GLB1L2: variants seen among roughly 807,000 people sequenced by gnomAD.
The protein encoded by GLB1L2 is galactosidase beta 1 like 2.
In GLB1L2, 68 loss-of-function variants were observed where a neutral mutation model predicts 84.1. The ratio of observed to expected loss-of-function variants is 0.81; its 90% CI spans 0.67 to 0.99. GLB1L2 has a LOEUF of 0.99. GLB1L2 is among the 50% of genes least tolerant of loss of function. GLB1L2 has a pLI of 0.00. For synonymous variants in GLB1L2, 290 were observed against 318.0 expected (o/e 0.91, Z 0.94); for missense variants, 762 against 805.6 (o/e 0.95, Z 0.66).
intron 1 of GLB1L2, among the ~76,000 whole-genome samples, chr11:134,335,229 C>CTTTT (rs11403985): frequency 9.8e-4 from 146 of 148,866 alleles, no homozygotes; most frequent in African/African-American, 1.4e-3. Context: ...ATGCAGGTCA[C>CTTTT]TTTTTTTTTT....
chr11:134,344,836 G>A (rs576644198), intron 3 of GLB1L2, among the ~76,000 whole-genome samples, 198 bp from the exon 4 acceptor site: 12 of 152,356 alleles, frequency 7.9e-5, no homozygotes, highest in South Asian at 2.1e-4. Context: ...TCAGGCCCCC[G>A]ATGGGGCTGT....
In GLB1L2 at chr11:134,368,634, C is replaced by A. The variant is rs1943897049; in HGVS notation, c.890-10C>A. The A allele has an allele frequency of 1.2e-6, 2 of 1,613,540 alleles. No homozygotes were observed. The highest frequency in any genetic ancestry group is 2.2e-5 in the South Asian group (2 of 91,086). On this transcript the variant is annotated splice_polypyrimidine_tract_variant and intron_variant, in intron 9 of 18. Coordinates refer to ENST00000535456, the MANE Select transcript of GLB1L2 (RefSeq NM_001370461.1). The stretch of plus-strand genomic sequence containing the variant: ...CACTCTGCACATCCCCTTTCTCCCT[C>A]CTCCGGCAGAGGTTTTGAAAACCGT...
At chr11:134,344,297 A>G in intron 2 of GLB1L2, 90 bp from the exon 3 acceptor site, 1 of 1,427,432 alleles carries the variant, frequency 7.0e-7, no homozygotes, top group Non-Finnish European at 9.9e-7. Context: ...TTTAGCCATC[A>G]TATTGGATTT....
chr11:134,354,052 G>A (rs755939791), intron 5 of GLB1L2, among the ~76,000 whole-genome samples: 5 of 152,262 alleles, frequency 3.3e-5, no homozygotes, highest in Middle Eastern at 3.4e-3. Flanking sequence ...ATTACTGATA[G>A]AGAATCACTT....
At chr11:134,347,180 C>T (rs1019058467) in intron 4 of GLB1L2, 145 bp from the exon 5 acceptor site, 3 of 695,518 alleles carry the variant, frequency 4.3e-6, no homozygotes, top group Admixed American at 1.9e-5. Flanking sequence ...CATTGTCTCC[C>T]CACTTCTGGG....
Position 134,370,190 on chromosome 11 carries a change from G to A in GLB1L2, c.1109-103G>A. The A allele has an allele frequency of 1.0e-6, 1 of 957,210 alleles. No individual in the cohort carries two copies. The highest frequency in any genetic ancestry group is 2.4e-5 in the East Asian group (1 of 41,682). The allele number at this position is 957,210 out of a possible 1,614,324, so 59.3% of individuals were successfully genotyped here. A position where few individuals can be genotyped will look rare whatever the true frequency, so the allele number is the denominator to read the frequency against. On this transcript the variant is annotated intron_variant, in intron 11 of 18. Coordinates refer to ENST00000535456, the MANE Select transcript of GLB1L2 (RefSeq NM_001370461.1). This position sits in a 1 kb window ranked among gnomAD's most constrained non-coding sequence, Gnocchi z 4.7. ...AGCCTGTTGTTCCTCTTGGTGCTGG[G>A]ACGCAGGAGCACATCGGGTCTGTGG... is the stretch of plus-strand genomic sequence containing the variant.
At chr11:134,342,624 G>C (rs903373701) in intron 1 of GLB1L2, 130 bp from the exon 2 acceptor site, 2 of 895,138 alleles carry the variant, frequency 2.2e-6, no homozygotes, top group Non-Finnish European at 3.3e-6. Flanking sequence ...GAGGCGGAGG[G>C]GAGCTTTTCC....
chr11:134,372,032 C>T (rs193073068), intron 15 of GLB1L2, among the ~76,000 whole-genome samples: 10 of 152,324 alleles, frequency 6.6e-5, no homozygotes, highest in Admixed American at 4.6e-4. Flanking sequence ...GCACTGCACG[C>T]GTGCATCGTC....
At chr11:134,332,981 A>G (rs1943326841) in intron 1 of GLB1L2, among the ~76,000 whole-genome samples, 1 of 152,224 alleles carries the variant, frequency 6.6e-6, no homozygotes, top group Non-Finnish European at 1.5e-5. Context: ...AATGAACTGA[A>G]CGGTTGGAAG....
At chr11:134,371,647 A>T in intron 14 of GLB1L2, 105 bp from the exon 15 acceptor site, 1 of 1,196,138 alleles carries the variant, frequency 8.4e-7, no homozygotes, top group Non-Finnish European at 1.2e-6. Flanking sequence ...GCTGGGATGT[A>T]CACTCCCATC....
At position 134,368,796 on chromosome 11, in the gene GLB1L2, G is replaced by C. The variant is rs1416603727; in HGVS notation, c.1027+15G>C. The C allele has an allele frequency of 3.1e-6, 5 of 1,612,820 alleles. No homozygotes were observed. The highest frequency in any genetic ancestry group is 4.2e-6 in the Non-Finnish European group (5 of 1,179,728). ...CACCAGCTATGGCAAGTATTCATCA[G>C]CACTGCTCTCCCTGGTCTGCCCTGC... On this transcript the variant is annotated intron_variant, in intron 10 of 18. Transcript: ENST00000535456.
At chr11:134,354,727 T>A (rs182717411) in intron 5 of GLB1L2, among the ~76,000 whole-genome samples, 1 of 152,322 alleles carries the variant, frequency 6.6e-6, no homozygotes, top group East Asian at 1.9e-4. Context: ...GGCTGAGATA[T>A]CCTTTATAGT....
Position 134,339,644 on chromosome 11 carries a change from G to A in GLB1L2, c.87-3110G>A, listed in dbSNP as rs1448159952. Among the ~76,000 whole-genome samples, 2 of 151,890 alleles carry A rather than the reference G, an allele frequency of 1.3e-5. No homozygotes were observed. The highest frequency in any genetic ancestry group is 3.9e-4 in the East Asian group (2 of 5,178). ...GTTTCATTCTAAAAATATAGAAAAT[G>A]GTGTGTTATAAAGACACTAGCAAAG... On this transcript the variant is annotated intron_variant, in intron 1 of 18. Coordinates refer to ENST00000535456, the MANE Select transcript of GLB1L2 (RefSeq NM_001370461.1). The surrounding 1 kb of genome is among the most constrained non-coding windows in gnomAD (Gnocchi z 5.7).
intron 10 of GLB1L2, 79 bp from the exon 11 acceptor site, chr11:134,369,726 C>G: frequency 7.6e-7 from 1 of 1,315,598 alleles, no homozygotes; most frequent in Non-Finnish European, 1.1e-6. Context: ...GTGGCCCTTC[C>G]AAGCTTCTCC....
At position 134,375,040 on chromosome 11, in the gene GLB1L2, G is replaced by T. The variant is rs749013600; in HGVS notation, c.1893G>T (p.Arg631Ser). 3.1e-6 allele frequency: 5 copies of T among 1,613,614 alleles called. No individual in the cohort carries two copies. In the Admixed American group the frequency reaches 6.7e-5, roughly 22 times the overall value. ...LQFTETPHLG[R>S]NQYIK ...TCACGGAAACCCCCCACCTGGGCAG[G>T]AACCAGTACATTAAGTGAGCGGTGG... is the stretch of plus-strand genomic sequence containing the variant. Residue 631 changes from arginine to serine, a missense_variant, in exon 19 of 19, where the codon AGG becomes AGT. Arg to Ser is a moderately radical substitution (Grantham distance 110). Transcript: ENST00000535456.
chr11:134,366,571 G>A (rs1447690109), intron 8 of GLB1L2, among the ~76,000 whole-genome samples: 1 of 150,046 alleles, frequency 6.7e-6, no homozygotes, highest in Non-Finnish European at 1.5e-5. Flanking sequence ...TTCTGCAAAC[G>A]TGGCAGAGTG....
rs1001388729 is a variant in GLB1L2 at position 134,339,583 on chromosome 11, T to A, written c.87-3171T>A. Among the ~76,000 whole-genome samples the A allele has an allele frequency of 3.9e-5, 6 of 152,122 alleles. No homozygotes were observed. Among genetic ancestry groups the A allele is most frequent in the Non-Finnish European group, 8.8e-5 (6 of 68,018 alleles). The stretch of plus-strand genomic sequence containing the variant: ...GCTAGATTGTTTTTTATTCTTGTTG[T>A]TTATTTCATTCCTCTTGCTATGCAC... On this transcript the variant is annotated intron_variant, in intron 1 of 18. Transcript: ENST00000535456. The surrounding 1 kb of genome is among the most constrained non-coding windows in gnomAD (Gnocchi z 5.7).
In GLB1L2 at chr11:134,359,104, C is replaced by A; in HGVS notation, c.696C>A (p.Asp232Glu). Reference protein sequence around the residue: ...RGIVELLLTSDNKDGLSKGIV... With the variant: ...RGIVELLLTSENKDGLSKGIV... ...TTGTGGAACTGCTCCTGACTTCAGA[C>A]AACAAGGATGGGCTGAGCAAGGGGA... is the stretch of plus-strand genomic sequence containing the variant. The change falls in exon 7 of 19, where the codon GAC becomes GAA. Residue 232 changes from aspartate (D) to glutamate (E), a missense_variant. Physicochemically the swap from Asp to Glu is conservative, Grantham distance 45. Coordinates refer to ENST00000535456, the MANE Select transcript of GLB1L2 (RefSeq NM_001370461.1). 1.2e-6 allele frequency: 2 copies of A among 1,604,402 alleles called. No individual in the cohort carries two copies. The highest frequency in any genetic ancestry group is 1.7e-6 in the Non-Finnish European group (2 of 1,175,324).
At chr11:134,368,045 C>T (rs1307454820) in intron 9 of GLB1L2, among the ~76,000 whole-genome samples, 2 of 152,250 alleles carry the variant, frequency 1.3e-5, no homozygotes, top group African/African-American at 4.8e-5. Flanking sequence ...ACGGCAGCTT[C>T]AGCCGCTGCT....
Sources: gnomAD v4.1 joint callset for allele counts (sites outside exome capture counted in the v4.1 genomes callset) on GRCh38, gnomAD v4.1.1 for gene constraint, Gnocchi (gnomAD v3.1) non-coding constraint, MANE v1.5 for transcripts, NCBI Gene and HGNC (gene_info 2026-07-23, HGNC 2026-07-21) for gene names.